The following RAB38 variants were observed in gnomAD, a reference collection of about 807,000 sequenced individuals.
RAB38 encodes the protein ras-related protein Rab-38.
In RAB38, 15 loss-of-function variants were observed where a neutral mutation model predicts 18.4. The ratio of observed to expected loss-of-function variants is 0.82; its 90% confidence interval spans 0.55 to 1.26. The LOEUF (loss-of-function observed/expected upper bound fraction) is 1.26. Among genes scored for constraint, RAB38 ranks in the 50% most tolerant of loss-of-function variants. The pLI is 0.00. For synonymous variants in RAB38, 101 were observed against 104.4 expected, an observed-to-expected ratio of 0.97 and a Z score of 0.20; for missense variants, 294 against 267.4, an observed-to-expected ratio of 1.10 and a Z score of -0.69.
chr11:87,915,698 T>A, the RAB38 span, among the ~76,000 whole-genome samples: 1 of 152,152 alleles, frequency 6.6e-6, no homozygotes, highest in Admixed American at 6.5e-5. Flanking sequence ...AATAGCCATT[T>A]TTTAATTGCT....
At chr11:87,908,644 T>C in the RAB38 span, among the ~76,000 whole-genome samples, 4 of 152,142 alleles carry the variant, frequency 2.6e-5, no homozygotes, top group East Asian at 7.8e-4. Context: ...AATTTGCAGG[T>C]TGAGTCATTT....
At chr11:87,856,707 C>T in the RAB38 span, among the ~76,000 whole-genome samples, 38,782 of 151,938 alleles carry the variant, frequency 0.26, 6,416 homozygotes, top group African/African-American at 0.47. Flanking sequence ...TTCTCCTCCT[C>T]CTTCTTCTTC....
the RAB38 span, among the ~76,000 whole-genome samples, chr11:88,009,167 T>G: frequency 6.6e-6 from 1 of 152,158 alleles, no homozygotes; most frequent in African/African-American, 2.4e-5. Flanking sequence ...ATGCTCAATA[T>G]TAATGCCAAA....
At chr11:87,810,348 G>C in the RAB38 span, among the ~76,000 whole-genome samples, 1 of 152,122 alleles carries the variant, frequency 6.6e-6, no homozygotes, top group Non-Finnish European at 1.5e-5. Flanking sequence ...AGCTTCCTGA[G>C]TAGCGGGGAC....
At chr11:88,068,941 G>A in the RAB38 span, among the ~76,000 whole-genome samples, 1 of 152,254 alleles carries the variant, frequency 6.6e-6, no homozygotes, top group Non-Finnish European at 1.5e-5. Context: ...TCGGTGGCCA[G>A]AGTGGACACG....
chr11:88,046,124 C>T, the RAB38 span, among the ~76,000 whole-genome samples: 33,537 of 151,990 alleles, frequency 0.22, 4,614 homozygotes, highest in Non-Finnish European at 0.31. Flanking sequence ...ATCATGCACC[C>T]TTTACCATCT....
chr11:87,890,529 A>C, the RAB38 span, among the ~76,000 whole-genome samples: 1 of 151,820 alleles, frequency 6.6e-6, no homozygotes, highest in South Asian at 2.1e-4. Flanking sequence ...GGATTTCTTT[A>C]TGCTATGGAA....
At chr11:87,804,879 A>G in the RAB38 span, among the ~76,000 whole-genome samples, 4 of 152,156 alleles carry the variant, frequency 2.6e-5, no homozygotes, top group Non-Finnish European at 5.9e-5. Flanking sequence ...AACTGTTACA[A>G]TTGTCATGAT....
intron 2 of RAB38, among the ~76,000 whole-genome samples, chr11:88,146,540 G>A (rs192620385): frequency 2.6e-4 from 39 of 152,088 alleles, no homozygotes; most frequent in African/African-American, 9.4e-4. Flanking sequence ...TACCATCTCT[G>A]CTTCAGGCAG....
chr11:88,139,738 C>G (rs1221562466), intron 2 of RAB38, among the ~76,000 whole-genome samples: 1 of 152,152 alleles, frequency 6.6e-6, no homozygotes, highest in Non-Finnish European at 1.5e-5. Flanking sequence ...GAGAATAGGG[C>G]CAAGGCATCT....
rs139424596 is a variant in RAB38, at chr11:88,144,989, C to T, written c.483+4686G>A. On this transcript the variant is annotated intron_variant, in intron 2 of 2. Transcript: ENST00000243662. ...GAAAGAGCTAAGGTACAGAAACAGA[C>T]CTTTTCACCAGAGTATGGCTGTTGT... Among the ~76,000 whole-genome samples the T allele has an allele frequency of 3.6e-3, 543 of 152,240 alleles. 2 individuals carry two copies. Among genetic ancestry groups the T allele is most frequent in the South Asian group, 0.012 (57 of 4,818 alleles).
At chr11:87,881,134 A>T in the RAB38 span, among the ~76,000 whole-genome samples, 6 of 151,822 alleles carry the variant, frequency 4.0e-5, no homozygotes, top group Non-Finnish European at 8.8e-5. Flanking sequence ...ATGAGACATC[A>T]TGCCCAGACT....
At chr11:87,938,531 G>A in the RAB38 span, among the ~76,000 whole-genome samples, 4 of 151,554 alleles carry the variant, frequency 2.6e-5, no homozygotes, top group African/African-American at 7.3e-5. Flanking sequence ...GAGAGGACAC[G>A]GTTCTTTTCA....
At chr11:88,113,034 G>A (rs1244000167), downstream of RAB38, among the ~76,000 whole-genome samples, 2 of 151,816 alleles carry the variant, frequency 1.3e-5, no homozygotes, top group African/African-American at 2.4e-5. Context: ...TATATGCACT[G>A]TACACTCTGT....
chr11:87,931,658 C>A, the RAB38 span, among the ~76,000 whole-genome samples: 1,256 of 152,138 alleles, frequency 8.3e-3, 14 homozygotes, highest in African/African-American at 0.029. Context: ...TTTGGATTAC[C>A]CATAATATCA....
At chr11:88,126,214 C>G (rs1161546648) in intron 2 of RAB38, among the ~76,000 whole-genome samples, 1 of 152,052 alleles carries the variant, frequency 6.6e-6, no homozygotes, top group African/African-American at 2.4e-5. Context: ...TTTTTGGTTC[C>G]ATATGAACTT....
chr11:87,924,919 T>C, the RAB38 span, among the ~76,000 whole-genome samples: 71 of 152,092 alleles, frequency 4.7e-4, no homozygotes, highest in African/African-American at 1.7e-3. Flanking sequence ...AATGGACATA[T>C]CTTGTGGCTC....
At chr11:88,134,367 A>G (rs1942805925) in intron 2 of RAB38, among the ~76,000 whole-genome samples, 1 of 152,092 alleles carries the variant, frequency 6.6e-6, no homozygotes, top group Non-Finnish European at 1.5e-5. Flanking sequence ...CAGCCTCCTG[A>G]GTAGCGGGGA....
chr11:88,022,536 T>C, the RAB38 span, among the ~76,000 whole-genome samples: 2 of 132,826 alleles, frequency 1.5e-5, no homozygotes, highest in Admixed American at 9.1e-5. Context: ...GGCATCCAAA[T>C]TGGAAAGGAA....
Sources: gnomAD v4.1 joint callset for allele counts (sites outside exome capture counted in the v4.1 genomes callset) on GRCh38, gnomAD v4.1.1 for gene constraint, MANE v1.5 for transcripts, NCBI Gene and HGNC (gene_info 2026-07-23, HGNC 2026-07-21) for gene names.